Variants in PCP4 observed in about 807,000 individuals in gnomAD.
PCP4 encodes Purkinje cell protein 4, also known as calmodulin regulator protein PCP4.
PCP4 carries 8 observed loss-of-function variants against 10.0 expected under a neutral mutation model. The ratio of observed to expected loss-of-function variants is 0.80; its 90% confidence interval spans 0.47 to 1.45. The LOEUF is 1.45. Ranked by LOEUF, PCP4 falls within the 40% of genes most tolerant of loss-of-function variation. The pLI, the probability that PCP4 is intolerant of heterozygous loss-of-function variation, is 0.00. For missense variants in PCP4, 54 were observed against 74.4 expected (o/e 0.73, Z 1.01); for synonymous variants, 21 against 23.0 (o/e 0.91, Z 0.24).
At chr21:39,888,035 G>T (rs2087409323) in intron 1 of PCP4, among the ~76,000 whole-genome samples, 1 of 152,224 alleles carries the variant, frequency 6.6e-6, no homozygotes, top group Admixed American at 6.5e-5. Flanking sequence ...CTAGGGAACT[G>T]CTTGTCGAGA....
At chr21:39,902,023 A>C (rs2837282) in intron 2 of PCP4, among the ~76,000 whole-genome samples, 1 of 151,928 alleles carries the variant, frequency 6.6e-6, no homozygotes, top group Admixed American at 6.6e-5. Flanking sequence ...TGGAATTTCC[A>C]TTTTAACCTA....
chr21:39,910,732 A>G (rs559312869), intron 2 of PCP4, among the ~76,000 whole-genome samples: 1 of 152,276 alleles, frequency 6.6e-6, no homozygotes, highest in African/African-American at 2.4e-5. Context: ...TGCCAGCAGG[A>G]GCTGGGCATT....
chr21:39,918,867 C>G (rs1310819773), intron 2 of PCP4, among the ~76,000 whole-genome samples: 3 of 152,336 alleles, frequency 2.0e-5, no homozygotes, highest in African/African-American at 7.2e-5. Context: ...CAGAAGGACA[C>G]AGTGGCTCTC....
At chr21:39,913,708 C>T (rs2837290) in intron 2 of PCP4, among the ~76,000 whole-genome samples, 21,587 of 152,156 alleles carry the variant, frequency 0.14, 1,723 homozygotes, top group South Asian at 0.23. Context: ...AGCTCAGCTG[C>T]GTGGTTGGAC....
At chr21:39,899,062 C>T (rs1204626820) in intron 2 of PCP4, among the ~76,000 whole-genome samples, 1 of 152,136 alleles carries the variant, frequency 6.6e-6, no homozygotes, top group Non-Finnish European at 1.5e-5. Flanking sequence ...TTCATGGGCC[C>T]ATCTCAACCA....
At chr21:39,877,680 G>C (rs952065886) in intron 1 of PCP4, among the ~76,000 whole-genome samples, 5 of 152,064 alleles carry the variant, frequency 3.3e-5, no homozygotes, top group Non-Finnish European at 7.4e-5. Flanking sequence ...CTGGACAACA[G>C]AGCCAGATCC....
chr21:39,887,743 C>T (rs966298885), intron 1 of PCP4, among the ~76,000 whole-genome samples: 1 of 152,178 alleles, frequency 6.6e-6, no homozygotes, highest in Admixed American at 6.6e-5. Flanking sequence ...AAAGATGGAT[C>T]ATCTAAGAGC....
intron 1 of PCP4, among the ~76,000 whole-genome samples, chr21:39,890,440 C>T (rs2087424176): frequency 6.6e-6 from 1 of 152,156 alleles, no homozygotes; most frequent in Non-Finnish European, 1.5e-5. Context: ...AGTGCAACCT[C>T]TGCCTCCCAG....
At chr21:39,874,376 T>C (rs978383415) in intron 1 of PCP4, among the ~76,000 whole-genome samples, 6 of 152,200 alleles carry the variant, frequency 3.9e-5, no homozygotes, top group Non-Finnish European at 7.3e-5. Context: ...GGGATCCAGA[T>C]TGGCTTGAGA....
chr21:39,924,616 C>T (rs2087611952), intron 2 of PCP4, among the ~76,000 whole-genome samples: 1 of 152,196 alleles, frequency 6.6e-6, no homozygotes, highest in South Asian at 2.1e-4. Context: ...TAGCTCACTG[C>T]AGCCTCCACC....
At chr21:39,868,275 G>A (rs557856459) in intron 1 of PCP4, among the ~76,000 whole-genome samples, 17 of 152,288 alleles carry the variant, frequency 1.1e-4, no homozygotes, top group Non-Finnish European at 2.5e-4. Flanking sequence ...CGAGCCAAAT[G>A]CATCTTCATT....
intron 2 of PCP4, among the ~76,000 whole-genome samples, chr21:39,903,884 A>AAC (rs1555849176): frequency 6.0e-5 from 9 of 150,338 alleles, no homozygotes; most frequent in South Asian, 2.1e-4. Flanking sequence ...AACAAAAAAA[A>AAC]AAAAAAAAAA....
intron 2 of PCP4, among the ~76,000 whole-genome samples, chr21:39,911,601 G>A (rs757860428): frequency 2.6e-5 from 4 of 152,226 alleles, no homozygotes; most frequent in African/African-American, 2.4e-5. Context: ...CCTCGTCAAC[G>A]TGACCTGGTA....
chr21:39,876,650 G>A (rs1053910558), intron 1 of PCP4, among the ~76,000 whole-genome samples: 1 of 152,196 alleles, frequency 6.6e-6, no homozygotes, highest in African/African-American at 2.4e-5. Context: ...AAGTGATGAT[G>A]TCATTATCAA....
At position 39,877,628 on chromosome 21, in the gene PCP4, T is replaced by C. The variant is rs190841340; in HGVS notation, c.9+10118T>C. On this transcript the variant is annotated intron_variant, in intron 1 of 2. Transcript: ENST00000328619. ...GGGTGGATGGTTTGAGCCTGGGAGGTGGAGGTTGCAGTGAGCCATGATCAT... is the reference window on the plus strand; with the variant it reads ...GGGTGGATGGTTTGAGCCTGGGAGGCGGAGGTTGCAGTGAGCCATGATCAT... Among the ~76,000 whole-genome samples, 1,016 of 150,970 alleles carry C rather than the reference T, an allele frequency of 6.7e-3. 5 individuals are homozygous for C. The highest frequency in any genetic ancestry group is 9.4e-3 in the Non-Finnish European group (639 of 67,790).
At chr21:39,902,644 A>C (rs2087486762) in intron 2 of PCP4, among the ~76,000 whole-genome samples, 1 of 152,158 alleles carries the variant, frequency 6.6e-6, no homozygotes, top group Non-Finnish European at 1.5e-5. Flanking sequence ...CAGTACACAC[A>C]CTCAAACCCG....
intron 1 of PCP4, among the ~76,000 whole-genome samples, chr21:39,886,476 A>T (rs1479493924): frequency 6.6e-6 from 1 of 152,200 alleles, no homozygotes; most frequent in African/African-American, 2.4e-5. Flanking sequence ...ATGGTGGTAG[A>T]TGCCTGTAAT....
intron 1 of PCP4, among the ~76,000 whole-genome samples, chr21:39,884,589 G>A (rs2146329938): frequency 6.6e-6 from 1 of 152,134 alleles, no homozygotes; most frequent in Admixed American, 6.5e-5. Context: ...CTGAGGTCAG[G>A]AGTTCGAGAC....
intron 2 of PCP4, among the ~76,000 whole-genome samples, chr21:39,902,632 C>T (rs1483211348): frequency 6.6e-6 from 1 of 152,120 alleles, no homozygotes; most frequent in Non-Finnish European, 1.5e-5. Context: ...GGATGTTAAC[C>T]TCAGTACACA....
Sources: allele counts gnomAD v4.1 joint callset (sites outside exome capture counted in the v4.1 genomes callset), GRCh38; gene constraint gnomAD v4.1.1; transcripts MANE v1.5; gene names NCBI Gene and HGNC (gene_info 2026-07-23, HGNC 2026-07-21).